Variants in SDK1 observed in about 807,000 individuals in gnomAD.
SDK1 encodes the protein sidekick cell adhesion molecule 1.
In SDK1, 157 loss-of-function variants were observed where a neutral mutation model predicts 245.5. That is an observed-to-expected ratio of 0.64 (90% CI 0.56 to 0.73). SDK1 has a LOEUF of 0.73. SDK1 is among the 30% of genes least tolerant of loss of function. SDK1 has a pLI of 0.00. For synonymous variants in SDK1, 1,647 were observed against 1,278.5 expected (o/e 1.29, Z -6.15); for missense variants, 3,583 against 3,002.3 (o/e 1.19, Z -4.52).
intron 4 of SDK1, among the ~76,000 whole-genome samples, chr7:3,707,953 A>G (rs1285419699): frequency 6.6e-6 from 1 of 152,162 alleles, no homozygotes; most frequent in Non-Finnish European, 1.5e-5. Context: ...ATCCTCATGT[A>G]TTAGTCTCAT....
intron 1 of SDK1, among the ~76,000 whole-genome samples, chr7:3,489,211 G>T (rs763753350): frequency 2.0e-5 from 3 of 152,090 alleles, no homozygotes; most frequent in African/African-American, 4.8e-5. Context: ...AGGCAGTTAG[G>T]CAGGCACCAG....
intron 4 of SDK1, among the ~76,000 whole-genome samples, chr7:3,799,584 A>T (rs954460848): frequency 6.6e-6 from 1 of 151,606 alleles, no homozygotes; most frequent in Non-Finnish European, 1.5e-5. Flanking sequence ...GGGCACCTGT[A>T]GTCCCAGCTA....
chr7:4,002,797 G>A (rs1785172271), intron 14 of SDK1, among the ~76,000 whole-genome samples: 2 of 152,220 alleles, frequency 1.3e-5, no homozygotes, highest in Non-Finnish European at 2.9e-5. Context: ...GTTTTGTTGT[G>A]TAATTTCGGA....
intron 1 of SDK1, among the ~76,000 whole-genome samples, chr7:3,374,030 T>TTGCTCTG (rs1326376754): frequency 2.6e-5 from 4 of 152,250 alleles, no homozygotes; most frequent in African/African-American, 9.6e-5. Flanking sequence ...CCATGTTTCT[T>TTGCTCTG]TGCTCTGTAA....
chr7:3,999,381 A>C (rs1249820403), intron 14 of SDK1, among the ~76,000 whole-genome samples: 1 of 152,146 alleles, frequency 6.6e-6, no homozygotes, highest in African/African-American at 2.4e-5. Context: ...AAATTAAATC[A>C]CAAATCCAAG....
chr7:4,237,695 T>C lies in SDK1; in HGVS notation c.6041T>C (p.Met2014Thr). The change falls in exon 42 of 45, where the codon ATG becomes ACG. Residue 2014 changes from methionine (M) to threonine (T), a missense_variant. By Grantham distance (81) the Met-to-Thr change is moderately conservative (BLOSUM62 -1). Transcript: ENST00000404826. Reference protein sequence around the residue: ...FYEEWWFLLVMALSSLIVILL... With the variant: ...FYEEWWFLLVTALSSLIVILL... Reference sequence around the variant, plus strand: ...GAGGAGTGGTGGTTCCTCCTGGTGATGGCTCTGTCCAGCCTGATCGTCATC... The same window carrying C: ...GAGGAGTGGTGGTTCCTCCTGGTGACGGCTCTGTCCAGCCTGATCGTCATC... 1 of 1,614,142 alleles carries C rather than the reference T, an allele frequency of 6.2e-7. No individual in the cohort carries two copies. Among genetic ancestry groups the C allele is most frequent in the Non-Finnish European group, 8.5e-7 (1 of 1,180,024 alleles).
At chr7:3,691,771 T>C (rs1449000070) in intron 4 of SDK1, among the ~76,000 whole-genome samples, 1 of 152,176 alleles carries the variant, frequency 6.6e-6, no homozygotes, top group African/African-American at 2.4e-5. Context: ...GCTTGTAGTA[T>C]TTGTTTTTGC....
chr7:3,430,739 G>A (rs900902371), intron 1 of SDK1, among the ~76,000 whole-genome samples: 9 of 152,202 alleles, frequency 5.9e-5, no homozygotes, highest in Admixed American at 5.2e-4. Flanking sequence ...ATCTCTAGTA[G>A]GAATGTCTGC....
chr7:4,119,261 A>G (rs2128193696), intron 25 of SDK1, among the ~76,000 whole-genome samples: 1 of 148,234 alleles, frequency 6.7e-6, no homozygotes, highest in South Asian at 2.2e-4. Context: ...TGGGCAACAT[A>G]GCAAGACCCC....
At chr7:3,430,632 A>G (rs1779816518) in intron 1 of SDK1, among the ~76,000 whole-genome samples, 2 of 152,120 alleles carry the variant, frequency 1.3e-5, no homozygotes, top group Admixed American at 1.3e-4. Flanking sequence ...CAGTTTCAAG[A>G]GTGTGTCTGA....
intron 5 of SDK1, among the ~76,000 whole-genome samples, chr7:3,825,425 G>C (rs1334266048): frequency 6.6e-6 from 1 of 151,282 alleles, no homozygotes; most frequent in East Asian, 1.9e-4. Context: ...CATACCATCA[G>C]TTCTGATCCA....
At chr7:3,324,601 A>C (rs570893062) in intron 1 of SDK1, among the ~76,000 whole-genome samples, 1 of 152,190 alleles carries the variant, frequency 6.6e-6, no homozygotes, top group South Asian at 2.1e-4. Flanking sequence ...TAGGAAATAC[A>C]CTCCCATTGT....
chr7:4,039,930 G>C (rs768785062), intron 17 of SDK1, among the ~76,000 whole-genome samples: 32 of 152,124 alleles, frequency 2.1e-4, no homozygotes, highest in Non-Finnish European at 4.3e-4. Flanking sequence ...GTTTTACTTA[G>C]TCACATAGGT....
At chr7:3,434,806 G>C (rs888361908) in intron 1 of SDK1, among the ~76,000 whole-genome samples, 3 of 148,588 alleles carry the variant, frequency 2.0e-5, no homozygotes, top group Non-Finnish European at 4.4e-5. Flanking sequence ...ATAGAATCAT[G>C]GGGGGGGACA....
chr7:3,729,009 G>T (rs561772631), intron 4 of SDK1, among the ~76,000 whole-genome samples: 1 of 152,140 alleles, frequency 6.6e-6, no homozygotes, highest in African/African-American at 2.4e-5. Context: ...GGATGCCAAC[G>T]GTGTCTCCTG....
intron 1 of SDK1, among the ~76,000 whole-genome samples, chr7:3,429,126 AG>A (rs565190770): frequency 3.0e-4 from 46 of 152,286 alleles, no homozygotes; most frequent in African/African-American, 1.1e-3. Flanking sequence ...AATAATGAGA[AG>A]GCTCAGTTTG....
intron 7 of SDK1, among the ~76,000 whole-genome samples, chr7:3,957,857 A>G (rs1331167082): frequency 6.6e-6 from 1 of 152,196 alleles, no homozygotes; most frequent in Non-Finnish European, 1.5e-5. Context: ...GCTTCCTTCT[A>G]ATGAATTTGC....
At chr7:4,079,893 C>T (rs532096537) in intron 22 of SDK1, among the ~76,000 whole-genome samples, 9 of 152,276 alleles carry the variant, frequency 5.9e-5, no homozygotes, top group African/African-American at 2.2e-4. Context: ...AATTCTATAT[C>T]ACAATTAGCT....
intron 1 of SDK1, among the ~76,000 whole-genome samples, chr7:3,339,113 A>G (rs568714074): frequency 2.1e-4 from 32 of 152,194 alleles, no homozygotes; most frequent in Non-Finnish European, 2.6e-4. Context: ...ATGGAAAAAG[A>G]TATGCCATAC....
Sources: allele counts gnomAD v4.1 joint callset (sites outside exome capture counted in the v4.1 genomes callset), GRCh38; gene constraint gnomAD v4.1.1; transcripts MANE v1.5; gene names NCBI Gene and HGNC (gene_info 2026-07-23, HGNC 2026-07-21).